BPIFB4: variants seen among roughly 807,000 people sequenced by gnomAD.
BPIFB4 encodes BPI fold containing family B member 4, also known as BPI fold-containing family B member 4.
BPIFB4 carries 62 observed loss-of-function variants against 69.2 expected under a neutral mutation model. The observed-to-expected ratio is 0.90, with a 90% CI of 0.73 to 1.11. BPIFB4 has a LOEUF of 1.11. Among genes scored for constraint, BPIFB4 ranks in the 50% least tolerant of loss-of-function variants. BPIFB4 has a pLI of 0.00. For synonymous variants in BPIFB4, 330 were observed against 332.7 expected, an observed-to-expected ratio of 0.99 and a Z score of 0.09; for missense variants, 789 against 792.0, an observed-to-expected ratio of 1.00 and a Z score of 0.04.
chr20:33,089,160 G>T, intron 8 of BPIFB4, 131 bp downstream of exon 8: 1 of 1,410,768 alleles, frequency 7.1e-7, no homozygotes. Flanking sequence ...CCTGGGGCAT[G>T]TATTTGGAGG....
intron 10 of BPIFB4, among the ~76,000 whole-genome samples, chr20:33,092,200 A>G (rs1414818192): frequency 6.6e-6 from 1 of 152,174 alleles, no homozygotes; most frequent in Non-Finnish European, 1.5e-5. Flanking sequence ...CTAGTTCATC[A>G]CTGCAGGGCT....
chr20:33,093,143 C>T (rs533439049), intron 11 of BPIFB4, among the ~76,000 whole-genome samples: 1 of 152,256 alleles, frequency 6.6e-6, no homozygotes, highest in Non-Finnish European at 1.5e-5. Flanking sequence ...GGACATATAT[C>T]CTTCACTTAG....
At chr20:33,102,095 C>T (rs901733755) in intron 14 of BPIFB4, among the ~76,000 whole-genome samples, 1 of 152,204 alleles carries the variant, frequency 6.6e-6, no homozygotes. Flanking sequence ...TAGGGGCCAG[C>T]TGGGCAAGAG....
rs1037245042 is a variant in BPIFB4, at chr20:33,086,034, C to G, written c.796C>G (p.Leu266Val). 4 of 1,608,870 alleles carry G rather than the reference C, an allele frequency of 2.5e-6. No individual in the cohort carries two copies. The highest frequency in any genetic ancestry group is 3.3e-5 in the Admixed American group (2 of 59,924). Residue 266 changes from leucine to valine, a missense_variant, in exon 7 of 18, where the codon CTG (leucine) becomes GTG (valine). Transcript: ENST00000375483. ...AINGKSLIGFLDIAVEVNITA... is the reference protein window; with the variant it reads ...AINGKSLIGFVDIAVEVNITA... ...GGCCTCCTCCAGTCTTATTGGCTTCCTGGACATCGCAGTAGAAGTGAACAT... is the reference window on the plus strand; with the variant it reads ...GGCCTCCTCCAGTCTTATTGGCTTCGTGGACATCGCAGTAGAAGTGAACAT...
rs149574207 is a variant in BPIFB4, at chr20:33,092,629, G to A, written c.1315G>A (p.Ala439Thr). 3 of 1,612,274 alleles carry A rather than the reference G, an allele frequency of 1.9e-6. No individual in the cohort carries two copies. The African/African-American group carries it at 4.0e-5, about 22-fold the overall frequency. The change falls in exon 11 of 18, where the codon GCT becomes ACT. Residue 439 changes from alanine to threonine, a missense_variant. Ala to Thr is a moderately conservative substitution (Grantham distance 58, BLOSUM62 0). Around this residue, in one of 3 missense-constraint regions of BPIFB4, gnomAD observed 611 missense variants for 575.4 expected, o/e 1.06. Transcript: ENST00000375483. Reference sequence around the variant, plus strand: ...GCTGACTCTACTGCAGAAGCAGCATGCTCTAGACCTGGATATCACCAATGG... The same window carrying A: ...GCTGACTCTACTGCAGAAGCAGCATACTCTAGACCTGGATATCACCAATGG... ...SVLTLLQKQH[A>T]LDLDITNGMF...
rs1399732523 is a variant in BPIFB4, at chr20:33,083,758, A to T, written c.561A>T (p.Gln187His). Residue 187 changes from glutamine (Q) to histidine (H), a missense_variant, in exon 5 of 18, where the codon CAA becomes CAT. Coordinates refer to ENST00000375483, the MANE Select transcript of BPIFB4 (RefSeq NM_182519.3). ...CAGCTGATGGCATCCTCGCAGGCCA[A>T]GGTGGCCTGCTCGGCGGAGGTGGTC... ...MLAADGILAG[Q>H]GGLLGGGGLL... The T allele has an allele frequency of 1.9e-6, 3 of 1,613,854 alleles. No homozygotes were observed. The highest frequency in any genetic ancestry group is 1.7e-5 in the Admixed American group (1 of 60,004).
At position 33,097,649 on chromosome 20, in the gene BPIFB4, TATC is replaced by T; in HGVS notation, c.1436_1438del (p.Ile479del). 1 of 1,614,116 alleles carries T rather than the reference TATC, an allele frequency of 6.2e-7. No individual in the cohort carries two copies. Among genetic ancestry groups the T allele is most frequent in the Non-Finnish European group, 8.5e-7 (1 of 1,179,948 alleles). On this transcript the variant is annotated inframe_deletion, in exon 13 of 18. Coordinates refer to ENST00000375483, the MANE Select transcript of BPIFB4 (RefSeq NM_182519.3). ...AGCAGTACCCCGAGTCCTGCCCACT[TATC>T]ATCAGGATCCAGGTGCTGAACCCAC...
intron 12 of BPIFB4, among the ~76,000 whole-genome samples, chr20:33,097,117 T>C (rs1200859219): frequency 1.3e-5 from 2 of 152,172 alleles, no homozygotes; most frequent in Non-Finnish European, 2.9e-5. Context: ...AGGAACAGTG[T>C]TCAGAGGCAT....
intron 3 of BPIFB4, 57 bp from the exon 4 acceptor site, chr20:33,082,881 G>A (rs1411628501): frequency 4.6e-6 from 7 of 1,526,858 alleles, no homozygotes; most frequent in Non-Finnish European, 6.4e-6. Flanking sequence ...TGCTGCCTGG[G>A]GGCTGGAGGT....
chr20:33,085,122 T>A, intron 6 of BPIFB4, 126 bp downstream of exon 6: 1 of 1,471,730 alleles, frequency 6.8e-7, no homozygotes, highest in South Asian at 1.4e-5. Context: ...CCAGAGGCCA[T>A]CTGTCAGCGG....
At chr20:33,089,871 G>T (rs1397031963) in intron 9 of BPIFB4, among the ~76,000 whole-genome samples, 1 of 152,230 alleles carries the variant, frequency 6.6e-6, no homozygotes, top group Non-Finnish European at 1.5e-5. Context: ...TTGAGCCCCG[G>T]TTCTGCCCTG....
chr20:33,091,370 G>C (rs2424951), intron 10 of BPIFB4, among the ~76,000 whole-genome samples: 12,013 of 152,320 alleles, frequency 0.079, 523 homozygotes, highest in Middle Eastern at 0.13. Context: ...TGGATGCAGA[G>C]TTGGGAAGAG....
rs796444421 is a variant in BPIFB4, at chr20:33,089,665, T to C, written c.1051+107T>C. On this transcript the variant is annotated intron_variant, in intron 9 of 17. Transcript: ENST00000375483. ...GGCCACAGACCTGCCCTTAGGCCCTTGAAGTGAGGAGTGGCTAATGCCACA... is the reference window on the plus strand; with the variant it reads ...GGCCACAGACCTGCCCTTAGGCCCTCGAAGTGAGGAGTGGCTAATGCCACA... 183 of 1,562,852 alleles carry C rather than the reference T, an allele frequency of 1.2e-4. 1 individual carries two copies. In the African/African-American group the frequency reaches 2.2e-3, roughly 19 times the overall value.
intron 7 of BPIFB4, 22 bp downstream of exon 7, chr20:33,086,186 A>C: frequency 6.3e-7 from 1 of 1,596,508 alleles, no homozygotes; most frequent in Non-Finnish European, 8.6e-7. Context: ...CCGGCAGTGG[A>C]GTGCCTTGGG....
rs745539242 is a variant in BPIFB4 at position 33,083,749 on chromosome 20, C to T, written c.552C>T (p.Leu184=). ...TGGMLAADGI[L]AGQGGLLGGG... is the part of the protein sequence containing the mutation. ...GCATGCTGGCAGCTGATGGCATCCT[C>T]GCAGGCCAAGGTGGCCTGCTCGGCG... The change falls in exon 5 of 18, where the codon CTC becomes CTT. Residue 184 remains leucine (L), a synonymous_variant. Coordinates refer to ENST00000375483, the MANE Select transcript of BPIFB4 (RefSeq NM_182519.3). 1.7e-5 allele frequency: 27 copies of T among 1,613,716 alleles called. No individual in the cohort carries two copies. The highest frequency in any genetic ancestry group is 5.0e-5 in the Admixed American group (3 of 59,992).
In BPIFB4 at chr20:33,086,073, C is replaced by T. The variant is rs1375505290; in HGVS notation, c.835C>T (p.Arg279Trp). Residue 279 changes from arginine to tryptophan, a missense_variant, in exon 7 of 18, where the codon CGG becomes TGG. Arg to Trp is a moderately radical substitution (Grantham distance 101). Transcript: ENST00000375483. The part of the protein sequence containing the change: ...AVEVNITAKV[R>W]LTMDRTGYPR... ...AGAAGTGAACATCACAGCCAAGGTC[C>T]GGCTGACCATGGACCGCACGGGTTA... 3.1e-6 allele frequency: 5 copies of T among 1,613,072 alleles called. No homozygotes were observed. Among genetic ancestry groups the T allele is most frequent in the South Asian group, 1.1e-5 (1 of 91,048 alleles).
Position 33,111,525 on chromosome 20 carries a change from G to A in BPIFB4, c.*88G>A, listed in dbSNP as rs1982238463. ...GCCTGGAAACAGTCCCCTGCCCAGAGTCCCCTCAGCCTCCATGACAGGTCC... is the reference window on the plus strand; with the variant it reads ...GCCTGGAAACAGTCCCCTGCCCAGAATCCCCTCAGCCTCCATGACAGGTCC... On this transcript the variant is annotated 3_prime_UTR_variant, in exon 18 of 18. Transcript: ENST00000375483. 2 of 1,535,272 alleles carry A rather than the reference G, an allele frequency of 1.3e-6. No homozygotes were observed. Among genetic ancestry groups the A allele is most frequent in the African/African-American group, 1.4e-5 (1 of 73,350 alleles).
In BPIFB4 at chr20:33,086,300, A is replaced by C. The variant is rs541709460; in HGVS notation, c.926+136A>C. ...TGATGCTGTGGGGTGGTGAGTACTC[A>C]TGCTGAGCCAGCTGTACTCTCACCT... On this transcript the variant is annotated intron_variant, in intron 7 of 17. Transcript: ENST00000375483. The C allele has an allele frequency of 7.4e-5, 86 of 1,168,614 alleles. No individual in the cohort carries two copies. In the East Asian group the frequency reaches 1.0e-3, roughly 14 times the overall value. 72.4% of individuals were successfully genotyped at this position (1,168,614 alleles called of 1,614,324 possible).
Position 33,088,975 on chromosome 20 carries a change from C to G in BPIFB4, c.936C>G (p.Pro312=), listed in dbSNP as rs773431276. ...GCTCCTGTCTCCTTAGGCTTCTCCC[C>G]AATCTCGTGGACAATTTAGTGAACC... is the stretch of plus-strand genomic sequence containing the variant. ...IKVKLLRGLL[P]NLVDNLVNRV... is the part of the protein sequence containing the mutation. Residue 312 remains proline, a synonymous_variant, in exon 8 of 18, where the codon CCC becomes CCG. Transcript: ENST00000375483. The G allele has an allele frequency of 1.9e-6, 3 of 1,613,872 alleles. No homozygotes were observed. In the South Asian group the frequency reaches 3.3e-5, roughly 18 times the overall value.
Sources: gnomAD v4.1 joint callset for allele counts (sites outside exome capture counted in the v4.1 genomes callset) on GRCh38, gnomAD v4.1.1 for gene constraint, gnomAD v4.1.1 regional missense constraint, MANE v1.5 for transcripts, NCBI Gene and HGNC (gene_info 2026-07-23, HGNC 2026-07-21) for gene names.